Variants in STARD4 observed in about 807,000 individuals in gnomAD.
STARD4 encodes the protein stAR-related lipid transfer protein 4.
In STARD4, 33 loss-of-function variants were observed where a neutral mutation model predicts 24.9. The ratio of observed to expected loss-of-function variants is 1.32; its 90% CI spans 1.00 to 1.77. The LOEUF is 1.77. STARD4 is among the 40% of genes most tolerant of loss of function. The pLI is 0.00. For missense variants in STARD4, 238 were observed against 249.3 expected, an observed-to-expected ratio of 0.95 and a Z score of 0.31; for synonymous variants, 88 against 77.4, an observed-to-expected ratio of 1.14 and a Z score of -0.72.
chr5:111,507,466 A>C lies in STARD4; in HGVS notation c.-9-24T>G, dbSNP rs762290099. 12 of 1,584,030 alleles carry C rather than the reference A, an allele frequency of 7.6e-6. No homozygotes were observed. Among genetic ancestry groups the C allele is most frequent in the Non-Finnish European group, 1.0e-5 (12 of 1,157,978 alleles). ...CTCTGTTATGGAGACCAAGATTAGC[A>C]TCAGCAAATACCACAGTTTGAGGCA... is the stretch of plus-strand genomic sequence containing the variant. On this transcript the variant is annotated intron_variant, in intron 1 of 5. Transcript: ENST00000296632. This position sits in a 1 kb window ranked among gnomAD's most constrained non-coding sequence, Gnocchi z 4.4.
chr5:111,508,895 A>G (rs925650679), intron 1 of STARD4, among the ~76,000 whole-genome samples: 5 of 152,156 alleles, frequency 3.3e-5, no homozygotes, highest in African/African-American at 9.6e-5. Context: ...CACTAATTAG[A>G]GCATATAAGC....
At chr5:111,500,459 G>C (rs1756354767) in intron 5 of STARD4, 1 of 1,054,752 alleles carries the variant, frequency 9.5e-7, no homozygotes, top group African/African-American at 1.7e-5. Flanking sequence ...CCATATTATA[G>C]TTTGGTACTG....
Position 111,496,406 on chromosome 5 carries a change from G to A in STARD4, c.*3480C>T, listed in dbSNP as rs1254458371. ...AAGATACAGCAGGCAGGCAACACAGGTTCTAGGGGAAACCTGATCAAGCCC... is the reference window on the plus strand; with the variant it reads ...AAGATACAGCAGGCAGGCAACACAGATTCTAGGGGAAACCTGATCAAGCCC... On this transcript the variant is annotated 3_prime_UTR_variant, in exon 6 of 6. Transcript: ENST00000296632. 2 of 152,038 alleles carry A rather than the reference G, an allele frequency of 1.3e-5. No individual in the cohort carries two copies. Among genetic ancestry groups the A allele is most frequent in the Admixed American group, 1.3e-4 (2 of 15,230 alleles). 9.4% of individuals were successfully genotyped at this position (152,038 alleles called of 1,614,324 possible). A position where few individuals can be genotyped will look rare whatever the true frequency, so the allele number is the denominator to read the frequency against.
intron 4 of STARD4, among the ~76,000 whole-genome samples, chr5:111,501,335 A>T (rs955127966): frequency 1.2e-4 from 18 of 152,218 alleles, no homozygotes; most frequent in Non-Finnish European, 1.0e-4. Flanking sequence ...CAGAGGTACA[A>T]GTTATCCAGT....
In STARD4 at chr5:111,507,199, C is replaced by T; in HGVS notation, c.105+130G>A. Reference sequence around the variant, plus strand: ...CATTAGACTATCAACTTTATTAGCTCAATTATTTTTCTTGCATATCCATCC... The same window carrying T: ...CATTAGACTATCAACTTTATTAGCTTAATTATTTTTCTTGCATATCCATCC... On this transcript the variant is annotated intron_variant, in intron 2 of 5. Coordinates refer to ENST00000296632, the MANE Select transcript of STARD4 (RefSeq NM_139164.3). This position sits in a 1 kb window ranked among gnomAD's most constrained non-coding sequence, Gnocchi z 4.4. The T allele has an allele frequency of 2.9e-6, 2 of 695,012 alleles. No individual in the cohort carries two copies. The highest frequency in any genetic ancestry group is 6.0e-5 in the Admixed American group (2 of 33,428). 43.1% of individuals were successfully genotyped at this position (695,012 alleles called of 1,614,324 possible). A position where few individuals can be genotyped will look rare whatever the true frequency, so the allele number is the denominator to read the frequency against.
Position 111,507,622 on chromosome 5 carries a change from A to C in STARD4, c.-9-180T>G, listed in dbSNP as rs79224511. The stretch of plus-strand genomic sequence containing the variant: ...AGGACCCGGGCATAGTTTTTTTCTA[A>C]TTGCTCCCAAGATGAATAACCCATA... On this transcript the variant is annotated intron_variant, in intron 1 of 5. Transcript: ENST00000296632. The surrounding 1 kb of genome is among the most constrained non-coding windows in gnomAD (Gnocchi z 4.4). 3.3e-5 allele frequency among the ~76,000 whole-genome samples: 5 copies of C among 152,114 alleles called. No individual in the cohort carries two copies. The highest frequency in any genetic ancestry group is 1.2e-4 in the African/African-American group (5 of 41,420).
At chr5:111,504,115 A>G (rs1228602871) in intron 3 of STARD4, among the ~76,000 whole-genome samples, 3 of 152,200 alleles carry the variant, frequency 2.0e-5, no homozygotes, top group Non-Finnish European at 2.9e-5. Context: ...TGAAACTGCT[A>G]CTTTAGAGAG....
In STARD4 at chr5:111,496,182, T is replaced by C. The variant is rs1254119990; in HGVS notation, c.*3704A>G. On this transcript the variant is annotated 3_prime_UTR_variant, in exon 6 of 6. Transcript: ENST00000296632. ...AAGAATTATATAAACTTCTTAAAAATAAAATCTATACTATAGCTTTTATTG... is the reference window on the plus strand; with the variant it reads ...AAGAATTATATAAACTTCTTAAAAACAAAATCTATACTATAGCTTTTATTG... 6.6e-6 allele frequency: 1 copy of C among 152,056 alleles called. No homozygotes were observed. The highest frequency in any genetic ancestry group is 1.9e-4 in the East Asian group (1 of 5,206). 9.4% of individuals were successfully genotyped at this position (152,056 alleles called of 1,614,324 possible).
chr5:111,512,124 G>A (rs1430373243), intron 1 of STARD4: 1 of 152,280 alleles, frequency 6.6e-6, no homozygotes, highest in Non-Finnish European at 1.5e-5. Flanking sequence ...ATAGGTGAGC[G>A]GCGCGCAGGG....
intron 3 of STARD4, among the ~76,000 whole-genome samples, chr5:111,502,836 G>A (rs1313088822): frequency 6.7e-6 from 1 of 149,946 alleles, no homozygotes; most frequent in Non-Finnish European, 1.5e-5. Context: ...TTTTTCTAAA[G>A]GGAATAAATC....
At chr5:111,505,209 T>G (rs763296712) in intron 3 of STARD4, among the ~76,000 whole-genome samples, 8 of 152,240 alleles carry the variant, frequency 5.3e-5, no homozygotes, top group Non-Finnish European at 1.0e-4. Context: ...TCTCCAAGCA[T>G]AAAGCTCCCT....
intron 1 of STARD4, among the ~76,000 whole-genome samples, chr5:111,511,986 C>G (rs373353790): frequency 3.5e-4 from 54 of 152,338 alleles, no homozygotes; most frequent in African/African-American, 1.3e-3. Flanking sequence ...GTCTGTGCAC[C>G]TCCTAAGAAC....
chr5:111,508,918 T>C (rs567338262), intron 1 of STARD4, among the ~76,000 whole-genome samples: 1 of 152,248 alleles, frequency 6.6e-6, no homozygotes, highest in South Asian at 2.1e-4. Flanking sequence ...TTAAAATTTA[T>C]AAATACTAAA....
In STARD4 at chr5:111,502,005, T is replaced by C; in HGVS notation, c.239A>G (p.Asp80Gly). ...IRPGPCRLDW[D>G]SLMTSLDILE... ...AATATCCAAAGAAGTCATCAAGCTG[T>C]CCCAATCCAAACGACAAGGCCCTGG... Residue 80 changes from aspartate to glycine, a missense_variant, in exon 4 of 6, where the codon GAC becomes GGC. By Grantham distance (94) the Asp-to-Gly change is moderately conservative (BLOSUM62 -1). Transcript: ENST00000296632. 6.2e-7 allele frequency: 1 copy of C among 1,614,136 alleles called. No individual in the cohort carries two copies. The highest frequency in any genetic ancestry group is 8.5e-7 in the Non-Finnish European group (1 of 1,180,030).
At chr5:111,503,229 A>T (rs985656086) in intron 3 of STARD4, among the ~76,000 whole-genome samples, 4 of 152,226 alleles carry the variant, frequency 2.6e-5, no homozygotes, top group South Asian at 4.1e-4. Flanking sequence ...AATTCCATAA[A>T]TGGTGTGCCT....
In STARD4 at chr5:111,507,501, T is replaced by C; in HGVS notation, c.-9-59A>G. 7.6e-7 allele frequency: 1 copy of C among 1,323,634 alleles called. No individual in the cohort carries two copies. The highest frequency in any genetic ancestry group is 1.1e-6 in the Non-Finnish European group (1 of 938,716). The allele number at this position is 1,323,634 out of a possible 1,614,324, so 82.0% of individuals were successfully genotyped here. On this transcript the variant is annotated intron_variant, in intron 1 of 5. Transcript: ENST00000296632. The surrounding 1 kb of genome is among the most constrained non-coding windows in gnomAD (Gnocchi z 4.4). ...ACCACAGTTTGAGGCAATAGGCCAG[T>C]GGGTCTCGAATCTGGTTTCACAATA...
At chr5:111,510,155 G>C (rs1331872517) in intron 1 of STARD4, among the ~76,000 whole-genome samples, 1 of 152,178 alleles carries the variant, frequency 6.6e-6, no homozygotes, top group African/African-American at 2.4e-5. Flanking sequence ...GTCTTGCATG[G>C]ATTATTTTCA....
intron 5 of STARD4, chr5:111,500,505 A>C (rs925620892): frequency 9.6e-7 from 1 of 1,036,568 alleles, no homozygotes; most frequent in Non-Finnish European, 1.2e-6. Context: ...GTTTACTTAC[A>C]ACTGCTAACT....
At chr5:111,502,708 G>A (rs34584523) in intron 3 of STARD4, among the ~76,000 whole-genome samples, 2,133 of 151,526 alleles carry the variant, frequency 0.014, 51 homozygotes, top group African/African-American at 0.049. Flanking sequence ...CAGGAGAATC[G>A]CTTGAACCTG....
Sources: allele counts gnomAD v4.1 joint callset (sites outside exome capture counted in the v4.1 genomes callset), GRCh38; gene constraint gnomAD v4.1.1; non-coding constraint Gnocchi (gnomAD v3.1); transcripts MANE v1.5; gene names NCBI Gene and HGNC (gene_info 2026-07-23, HGNC 2026-07-21).